NRXN3: variants seen among roughly 807,000 people sequenced by gnomAD.
NRXN3 encodes the protein neurexin III.
In NRXN3, 32 loss-of-function variants were observed where a neutral mutation model predicts 137.6. The observed-to-expected ratio is 0.23, with a 90% confidence interval of 0.18 to 0.31. The LOEUF (loss-of-function observed/expected upper bound fraction) is 0.31. NRXN3 is among the 10% of genes least tolerant of loss of function. NRXN3 has a pLI of 1.00. For synonymous variants in NRXN3, 798 were observed against 784.5 expected (o/e 1.02, Z -0.29); for missense variants, 1,574 against 2,062.5 (o/e 0.76, Z 4.59).
At chr14:79,485,362 C>G (rs1231136257) in intron 16 of NRXN3, among the ~76,000 whole-genome samples, 1 of 152,180 alleles carries the variant, frequency 6.6e-6, no homozygotes, top group African/African-American at 2.4e-5. Context: ...CAACTCCTGA[C>G]AATTTCAGCT....
At chr14:79,429,597 T>C (rs1325545642) in intron 15 of NRXN3, among the ~76,000 whole-genome samples, 1 of 152,204 alleles carries the variant, frequency 6.6e-6, no homozygotes, top group Non-Finnish European at 1.5e-5. Context: ...TAGATATTGC[T>C]CCAGAAACAC....
intron 15 of NRXN3, among the ~76,000 whole-genome samples, chr14:79,317,248 A>T (rs2088986180): frequency 6.6e-6 from 1 of 152,174 alleles, no homozygotes; most frequent in Admixed American, 6.5e-5. Context: ...AGAAAAAAAA[A>T]GTGTTGGCGG....
chr14:78,503,832 A>G (rs1474060208), intron 4 of NRXN3, among the ~76,000 whole-genome samples: 2 of 152,192 alleles, frequency 1.3e-5, no homozygotes, highest in South Asian at 4.1e-4. Flanking sequence ...TTGTTCCAGC[A>G]TGATAATCAG....
chr14:79,458,151 T>C (rs1224189879), intron 15 of NRXN3, among the ~76,000 whole-genome samples: 2 of 152,160 alleles, frequency 1.3e-5, no homozygotes, highest in South Asian at 2.1e-4. Context: ...GATGCACTTA[T>C]CTATTTATTT....
chr14:79,229,254 C>G (rs1367879165), intron 15 of NRXN3, among the ~76,000 whole-genome samples: 3 of 152,066 alleles, frequency 2.0e-5, no homozygotes, highest in Admixed American at 2.0e-4. Context: ...GATTTCTTTG[C>G]CTTTAAAATC....
Position 79,747,673 on chromosome 14 carries a change from G to T in NRXN3, c.4014+49736G>T, listed in dbSNP as rs954653679. The stretch of plus-strand genomic sequence containing the variant: ...TGTGTCTAATAATCTAACATATATT[G>T]TTATTGATTTCAGGTTTTAAGAACC... On this transcript the variant is annotated intron_variant, in intron 19 of 20. Coordinates refer to ENST00000335750, the MANE Select transcript of NRXN3 (RefSeq NM_001330195.2). 6.8e-4 allele frequency among the ~76,000 whole-genome samples: 104 copies of T among 152,144 alleles called. 1 individual carries two copies. The highest frequency in any genetic ancestry group is 2.1e-3 in the African/African-American group (89 of 41,518).
intron 20 of NRXN3, chr14:79,853,605 C>T (rs1258856042): frequency 1.5e-6 from 2 of 1,351,336 alleles, no homozygotes; most frequent in Admixed American, 3.8e-5. Context: ...CTCACTTACA[C>T]ATTTACTCCT....
At chr14:78,958,066 A>G (rs1464333499) in intron 11 of NRXN3, among the ~76,000 whole-genome samples, 1 of 152,192 alleles carries the variant, frequency 6.6e-6, no homozygotes, top group African/African-American at 2.4e-5. Flanking sequence ...AAATGGAAAC[A>G]GATGAGATTA....
At chr14:79,219,149 T>C (rs1028932669) in intron 15 of NRXN3, among the ~76,000 whole-genome samples, 1 of 152,096 alleles carries the variant, frequency 6.6e-6, no homozygotes, top group Non-Finnish European at 1.5e-5. Flanking sequence ...AGAGATAGGG[T>C]CTCACTCTGT....
intron 1 of NRXN3, among the ~76,000 whole-genome samples, chr14:78,182,116 C>CG (rs5809866): frequency 0.17 from 22,661 of 134,648 alleles, 2,298 homozygotes; most frequent in Middle Eastern, 0.27. Context: ...ATGATGGGGC[C>CG]GGGGGGGACA....
At chr14:79,692,292 A>G in intron 18 of NRXN3, 30 bp downstream of exon 18, 1 of 1,507,816 alleles carries the variant, frequency 6.6e-7, no homozygotes, top group South Asian at 1.2e-5. Flanking sequence ...TCATTTTAAA[A>G]TCATTTGATC....
chr14:79,294,531 A>AT (rs957255661), intron 15 of NRXN3, among the ~76,000 whole-genome samples: 1 of 152,186 alleles, frequency 6.6e-6, no homozygotes, highest in African/African-American at 2.4e-5. Context: ...TATTTATTCC[A>AT]TTTTTTTAAG....
chr14:79,334,430 A>G (rs1416699208), intron 15 of NRXN3, among the ~76,000 whole-genome samples: 2 of 152,210 alleles, frequency 1.3e-5, no homozygotes, highest in African/African-American at 4.8e-5. Context: ...AATAGCAGGT[A>G]TAATCACCCT....
intron 15 of NRXN3, among the ~76,000 whole-genome samples, chr14:79,013,049 T>C (rs1046909180): frequency 2.0e-5 from 3 of 152,172 alleles, no homozygotes; most frequent in Non-Finnish European, 2.9e-5. Flanking sequence ...ACATGGTGTA[T>C]GTGTATGTAT....
At chr14:78,711,804 A>T (rs935241999) in intron 7 of NRXN3, among the ~76,000 whole-genome samples, 1 of 152,192 alleles carries the variant, frequency 6.6e-6, no homozygotes, top group African/African-American at 2.4e-5. Context: ...CTGAGTAAAC[A>T]AACAATTGTC....
At chr14:78,644,153 A>G (rs929474830) in intron 4 of NRXN3, among the ~76,000 whole-genome samples, 5 of 151,014 alleles carry the variant, frequency 3.3e-5, no homozygotes, top group Non-Finnish European at 5.9e-5. Flanking sequence ...AAAAAAAAAA[A>G]GGAAATAAAA....
intron 15 of NRXN3, among the ~76,000 whole-genome samples, chr14:79,407,920 C>A (rs2095344849): frequency 6.6e-6 from 1 of 152,076 alleles, no homozygotes; most frequent in Non-Finnish European, 1.5e-5. Flanking sequence ...ATTTGATTCA[C>A]ACACTCCTAT....
chr14:79,009,012 G>A (rs192339524), intron 15 of NRXN3, among the ~76,000 whole-genome samples: 3 of 152,052 alleles, frequency 2.0e-5, no homozygotes, highest in East Asian at 1.9e-4. Context: ...GATGTTTGCC[G>A]GGAAGAGATT....
chr14:79,408,110 A>G (rs1462041217), intron 15 of NRXN3, among the ~76,000 whole-genome samples: 1 of 152,150 alleles, frequency 6.6e-6, no homozygotes, highest in Non-Finnish European at 1.5e-5. Context: ...TTTTATCAGT[A>G]TCTTTCCAGA....
Sources: gnomAD v4.1 joint callset for allele counts (sites outside exome capture counted in the v4.1 genomes callset) on GRCh38, gnomAD v4.1.1 for gene constraint, MANE v1.5 for transcripts, NCBI Gene and HGNC (gene_info 2026-07-23, HGNC 2026-07-21) for gene names.